Variants in TMEM163 observed in about 807,000 individuals in gnomAD.
TMEM163 encodes the protein transmembrane protein 163.
Under a neutral mutation model 29.3 loss-of-function variants are expected in TMEM163, and 17 were observed. The ratio of observed to expected loss-of-function variants is 0.58; its 90% CI spans 0.40 to 0.87. The LOEUF (loss-of-function observed/expected upper bound fraction) is 0.87, where lower values mean the gene tolerates loss of function less well. Among genes scored for constraint, TMEM163 ranks in the 40% least tolerant of loss-of-function variants. The pLI is 0.00. For synonymous variants in TMEM163, 157 were observed against 160.6 expected (o/e 0.98, Z 0.17); for missense variants, 303 against 381.5 (o/e 0.79, Z 1.71).
rs1301559182 is a variant in TMEM163 at position 134,550,592 on chromosome 2, G to A, written c.436C>T (p.His146Tyr). 1.2e-6 allele frequency: 2 copies of A among 1,614,156 alleles called. No individual in the cohort carries two copies. The highest frequency in any genetic ancestry group is 3.3e-5 in the Admixed American group (2 of 60,024). The change falls in exon 4 of 8, where the codon CAC (histidine) becomes TAC (tyrosine). Residue 146 changes from histidine (H) to tyrosine (Y), a missense_variant. Physicochemically the swap from His to Tyr is moderately conservative, Grantham distance 83 (BLOSUM62 2). Around this residue, in one of 2 missense-constraint regions of TMEM163, gnomAD observed 203 missense variants for 294.3 expected, o/e 0.69. Transcript: ENST00000281924. ...TACATGTACTCCCTATGGGCAGAGTGCACAGCGGCCGCGTTGCTGTAACGC... is the reference window on the plus strand; with the variant it reads ...TACATGTACTCCCTATGGGCAGAGTACACAGCGGCCGCGTTGCTGTAACGC... Reference protein sequence around the residue: ...LWRYSNAAAVHSAHREYIACV... With the variant: ...LWRYSNAAAVYSAHREYIACV...
chr2:134,599,637 G>T (rs1464081458), intron 2 of TMEM163, among the ~76,000 whole-genome samples: 1 of 151,304 alleles, frequency 6.6e-6, no homozygotes, highest in African/African-American at 2.4e-5. Flanking sequence ...AGCTGAGCAA[G>T]ACCCGAGACA....
At chr2:134,687,120 G>A (rs1684366378) in intron 2 of TMEM163, among the ~76,000 whole-genome samples, 1 of 152,204 alleles carries the variant, frequency 6.6e-6, no homozygotes, top group South Asian at 2.1e-4. Flanking sequence ...CAGAAAGAAA[G>A]CGAGTTAGTA....
rs146157483 is a variant in TMEM163, at chr2:134,624,683, C to T, written c.323-72592G>A. 5.0e-3 allele frequency among the ~76,000 whole-genome samples: 754 copies of T among 152,128 alleles called. 9 individuals carry two copies. The highest frequency in any genetic ancestry group is 0.017 in the African/African-American group (722 of 41,492). On this transcript the variant is annotated intron_variant, in intron 2 of 7. Transcript: ENST00000281924. ...CAGCACTTTGGGAGGCTGAGGTGGG[C>T]AGATCACTTGAGGCCAGGAGTTCAA...
At chr2:134,716,978 T>A (rs1685051810) in intron 1 of TMEM163, among the ~76,000 whole-genome samples, 1 of 152,190 alleles carries the variant, frequency 6.6e-6, no homozygotes, top group Non-Finnish European at 1.5e-5. Flanking sequence ...ACAGTGACAG[T>A]TTACGAACAG....
chr2:134,594,254 G>A (rs1043701864), intron 2 of TMEM163, among the ~76,000 whole-genome samples: 40 of 149,890 alleles, frequency 2.7e-4, no homozygotes, highest in Non-Finnish European at 8.9e-5. Context: ...GAAAGGGGGA[G>A]AAAGAGAGAA....
chr2:134,586,751 G>A (rs1681831528), intron 2 of TMEM163, among the ~76,000 whole-genome samples: 1 of 152,214 alleles, frequency 6.6e-6, no homozygotes. Context: ...TCCTGGCCCA[G>A]TCACGAGACG....
chr2:134,674,238 C>T (rs143894950), intron 2 of TMEM163, among the ~76,000 whole-genome samples: 116 of 152,144 alleles, frequency 7.6e-4, no homozygotes, highest in South Asian at 5.8e-3. Context: ...TTGCACTTAA[C>T]ACATTACATC....
intron 5 of TMEM163, among the ~76,000 whole-genome samples, chr2:134,473,086 A>G (rs1686838842): frequency 6.6e-6 from 1 of 152,248 alleles, no homozygotes; most frequent in Non-Finnish European, 1.5e-5. Flanking sequence ...GCAAAAGCAG[A>G]GCTAAGAGGA....
chr2:134,595,197 T>C (rs1281349129), intron 2 of TMEM163, among the ~76,000 whole-genome samples: 5 of 152,098 alleles, frequency 3.3e-5, no homozygotes, highest in African/African-American at 9.7e-5. Flanking sequence ...ATGTGCCATG[T>C]TGGTGTGCTG....
chr2:134,543,227 C>T (rs1680714784), intron 4 of TMEM163, among the ~76,000 whole-genome samples: 1 of 152,170 alleles, frequency 6.6e-6, no homozygotes, highest in Non-Finnish European at 1.5e-5. Flanking sequence ...CTGTCCTGGT[C>T]AGGACAGTGG....
At chr2:134,506,940 T>TC (rs1339076977) in intron 4 of TMEM163, among the ~76,000 whole-genome samples, 1 of 151,936 alleles carries the variant, frequency 6.6e-6, no homozygotes, top group East Asian at 1.9e-4. Context: ...TATAGACTCC[T>TC]CCCTCCTGCC....
rs1410800119 is a variant in TMEM163 at position 134,550,571 on chromosome 2, T to C, written c.457A>G (p.Ile153Val). 3 of 1,613,908 alleles carry C rather than the reference T, an allele frequency of 1.9e-6. No individual in the cohort carries two copies. The highest frequency in any genetic ancestry group is 2.2e-5 in the South Asian group (2 of 91,082). Residue 153 changes from isoleucine to valine, a missense_variant and splice_region_variant, in exon 4 of 8, where the codon ATA (isoleucine) becomes GTA (valine). Ile to Val is a conservative substitution (Grantham distance 29). Around this residue, in one of 2 missense-constraint regions of TMEM163, gnomAD observed 203 missense variants for 294.3 expected, o/e 0.69. Transcript: ENST00000281924. ...AAVHSAHREY[I>V]ACVILGVIFL... The stretch of plus-strand genomic sequence containing the variant: ...GGAGAAAGACAAGAATCTACTTACA[T>C]GTACTCCCTATGGGCAGAGTGCACA...
chr2:134,565,947 C>T (rs529812903), intron 2 of TMEM163, among the ~76,000 whole-genome samples: 8 of 152,210 alleles, frequency 5.3e-5, no homozygotes, highest in African/African-American at 1.2e-4. Context: ...GGGCAGGGAG[C>T]GGTGTCAAAG....
chr2:134,509,490 C>A (rs367655405), intron 4 of TMEM163, among the ~76,000 whole-genome samples: 74 of 152,366 alleles, frequency 4.9e-4, no homozygotes, highest in African/African-American at 1.7e-3. Context: ...GCCCACCAAG[C>A]CCCAGGTCTA....
chr2:134,628,680 T>A (rs550278110), intron 2 of TMEM163, among the ~76,000 whole-genome samples: 1 of 152,270 alleles, frequency 6.6e-6, no homozygotes, highest in Non-Finnish European at 1.5e-5. Context: ...GACATCCATG[T>A]GACGTAACTG....
intron 1 of TMEM163, among the ~76,000 whole-genome samples, chr2:134,715,209 G>T (rs184448738): frequency 6.6e-6 from 1 of 152,114 alleles, no homozygotes; most frequent in Non-Finnish European, 1.5e-5. Context: ...CTCTTCAGCC[G>T]CATAACATTT....
chr2:134,498,135 AGAGTCAGGGT>A (rs1679614201), intron 5 of TMEM163, among the ~76,000 whole-genome samples: 1 of 152,158 alleles, frequency 6.6e-6, no homozygotes. Flanking sequence ...GAGGGGCCCC[AGAGTCAGGGT>A]GACTGCATGA....
At chr2:134,498,298 C>T (rs1679618326) in intron 5 of TMEM163, among the ~76,000 whole-genome samples, 1 of 151,922 alleles carries the variant, frequency 6.6e-6, no homozygotes, top group Non-Finnish European at 1.5e-5. Flanking sequence ...CCCTTCTCCT[C>T]ATCCCACACT....
intron 4 of TMEM163, among the ~76,000 whole-genome samples, chr2:134,520,967 C>A (rs1446257104): frequency 6.6e-6 from 1 of 151,122 alleles, no homozygotes; most frequent in Non-Finnish European, 1.5e-5. Context: ...TTACAAAGCT[C>A]TCCAGGTGTT....
Sources: gnomAD v4.1 joint callset for allele counts (sites outside exome capture counted in the v4.1 genomes callset) on GRCh38, gnomAD v4.1.1 for gene constraint, gnomAD v4.1.1 regional missense constraint, MANE v1.5 for transcripts, NCBI Gene and HGNC (gene_info 2026-07-23, HGNC 2026-07-21) for gene names.